ITGBL1: variants seen among roughly 807,000 people sequenced by gnomAD.
The protein encoded by ITGBL1 is integrin beta-like protein 1.
A neutral mutation model predicts 68.5 loss-of-function variants in ITGBL1; 51 were observed. The observed-to-expected ratio is 0.74, with a 90% CI of 0.59 to 0.94. ITGBL1 has a LOEUF of 0.94. Among genes scored for constraint, ITGBL1 ranks in the 40% least tolerant of loss-of-function variants. The pLI is 0.00. For synonymous variants in ITGBL1, 209 were observed against 227.3 expected, an observed-to-expected ratio of 0.92 and a Z score of 0.72; for missense variants, 649 against 647.4, an observed-to-expected ratio of 1.00 and a Z score of -0.03.
At chr13:101,671,440 T>TTTG (rs1555365707) in intron 7 of ITGBL1, among the ~76,000 whole-genome samples, 1 of 93,810 alleles carries the variant, frequency 1.1e-5, no homozygotes, top group African/African-American at 4.7e-5. Context: ...TTTTTTTGTT[T>TTTG]TTTTTTGTTT....
intron 2 of ITGBL1, among the ~76,000 whole-genome samples, chr13:101,504,445 C>A (rs1408550946): frequency 6.6e-6 from 1 of 152,156 alleles, no homozygotes; most frequent in Non-Finnish European, 1.5e-5. Context: ...TGCATCATAA[C>A]CTTATGGCCA....
intron 9 of ITGBL1, among the ~76,000 whole-genome samples, chr13:101,708,369 C>CA (rs1226436434): frequency 2.0e-5 from 3 of 150,304 alleles, no homozygotes; most frequent in African/African-American, 7.3e-5. Flanking sequence ...CACAGACACA[C>CA]TTTTTTTTTT....
At position 101,583,301 on chromosome 13, in the gene ITGBL1, T is replaced by A. The variant is rs2050495095; in HGVS notation, c.813T>A (p.Cys271Ter). 1 of 1,613,118 alleles carries A rather than the reference T, an allele frequency of 6.2e-7. No individual in the cohort carries two copies. The highest frequency in any genetic ancestry group is 8.5e-7 in the Non-Finnish European group (1 of 1,179,666). The change falls in exon 6 of 11, where the codon TGT (cysteine) becomes TGA (stop). Residue 271 changes from cysteine (C) to a stop codon, truncating the protein, a stop_gained. Transcript: ENST00000376180. LOFTEE classifies it high-confidence loss of function. ...WGDIHGDTCECDERDCRAVYD... is the reference protein window; with the variant it reads ...WGDIHGDTCE ...ATATTCATGGGGACACCTGTGAATG[T>A]GATGAGAGGGACTGTAGAGCTGTCT...
At position 101,692,718 on chromosome 13, in the gene ITGBL1, T is replaced by G; in HGVS notation, c.1132+17T>G. On this transcript the variant is annotated intron_variant, in intron 8 of 10. Coordinates refer to ENST00000376180, the MANE Select transcript of ITGBL1 (RefSeq NM_004791.3). ...TCTGTGGAGGTAGTAACCTTTCTCA[T>G]AGCTGTATGCTACCTGCATGCAACT... 6.6e-7 allele frequency: 1 copy of G among 1,506,016 alleles called. No individual in the cohort carries two copies. Among genetic ancestry groups the G allele is most frequent in the African/African-American group, 1.4e-5 (1 of 72,876 alleles). 93.3% of individuals were successfully genotyped at this position (1,506,016 alleles called of 1,614,324 possible). A position where few individuals can be genotyped will look rare whatever the true frequency, so the allele number is the denominator to read the frequency against.
At chr13:101,711,949 A>C (rs1475838895) in intron 9 of ITGBL1, 1 of 152,250 alleles carries the variant, frequency 6.6e-6, no homozygotes, top group East Asian at 1.9e-4. Context: ...GGTCTTGGCC[A>C]GCTGAGTTGA....
chr13:101,515,113 A>C (rs1378262344), intron 2 of ITGBL1, among the ~76,000 whole-genome samples: 19 of 152,146 alleles, frequency 1.2e-4, no homozygotes. Flanking sequence ...AAATAAAGTT[A>C]TGAAATTATG....
At chr13:101,704,933 C>CT (rs2034221963) in intron 8 of ITGBL1, among the ~76,000 whole-genome samples, 2 of 152,228 alleles carry the variant, frequency 1.3e-5, no homozygotes, top group African/African-American at 4.8e-5. Flanking sequence ...TATTTATTTA[C>CT]TTTTTTCCTT....
chr13:101,512,499 G>T (rs2049131867), intron 2 of ITGBL1, among the ~76,000 whole-genome samples: 1 of 152,238 alleles, frequency 6.6e-6, no homozygotes, highest in South Asian at 2.1e-4. Flanking sequence ...TGAACAAATG[G>T]TTAGGTAACC....
At chr13:101,471,730 C>A (rs903146079) in intron 2 of ITGBL1, among the ~76,000 whole-genome samples, 1 of 151,844 alleles carries the variant, frequency 6.6e-6, no homozygotes, top group African/African-American at 2.4e-5. Context: ...GAAAGTGAGA[C>A]GAAATACTTG....
intron 7 of ITGBL1, among the ~76,000 whole-genome samples, chr13:101,601,399 T>C (rs1177208166): frequency 6.6e-6 from 1 of 152,190 alleles, no homozygotes; most frequent in Non-Finnish European, 1.5e-5. Flanking sequence ...CCTGGATTCA[T>C]TGATTTTTTG....
intron 2 of ITGBL1, among the ~76,000 whole-genome samples, chr13:101,544,795 A>G (rs1029161597): frequency 3.3e-5 from 5 of 152,072 alleles, no homozygotes; most frequent in African/African-American, 7.2e-5. Flanking sequence ...TTGCAGTTTG[A>G]TCTCAGACTG....
intron 7 of ITGBL1, among the ~76,000 whole-genome samples, chr13:101,656,073 C>A (rs773101794): frequency 6.6e-6 from 1 of 152,026 alleles, no homozygotes; most frequent in Non-Finnish European, 1.5e-5. Flanking sequence ...GGGGCTTCCT[C>A]GCTAAAGGTA....
At chr13:101,705,489 A>G (rs568429875) in intron 8 of ITGBL1, among the ~76,000 whole-genome samples, 2 of 152,094 alleles carry the variant, frequency 1.3e-5, no homozygotes, top group South Asian at 4.2e-4. Flanking sequence ...TCTCATGCCA[A>G]AACTTGGGCT....
chr13:101,701,358 C>A (rs554068757), intron 8 of ITGBL1, among the ~76,000 whole-genome samples: 2 of 152,004 alleles, frequency 1.3e-5, no homozygotes, highest in Non-Finnish European at 1.5e-5. Flanking sequence ...CACAGTAAAA[C>A]CCTGTCTCTA....
chr13:101,500,510 G>T (rs1225771368), intron 2 of ITGBL1, among the ~76,000 whole-genome samples: 2 of 152,164 alleles, frequency 1.3e-5, no homozygotes, highest in Non-Finnish European at 2.9e-5. Flanking sequence ...ATTCTTCAGA[G>T]ATTATTATTC....
At position 101,605,995 on chromosome 13, in the gene ITGBL1, T is replaced by C. The variant is rs1444548792; in HGVS notation, c.1015+7696T>C. Among the ~76,000 whole-genome samples, 11 of 146,884 alleles carry C rather than the reference T, an allele frequency of 7.5e-5. No individual in the cohort carries two copies. The Admixed American group carries it at 7.6e-4, about 10-fold the overall frequency. On this transcript the variant is annotated intron_variant, in intron 7 of 10. Coordinates refer to ENST00000376180, the MANE Select transcript of ITGBL1 (RefSeq NM_004791.3). ...ATGCATATATGTGTATATATATGTG[T>C]ATATATACACATATATATGTATATA...
intron 7 of ITGBL1, among the ~76,000 whole-genome samples, chr13:101,671,738 A>G (rs1029755405): frequency 6.6e-6 from 1 of 152,128 alleles, no homozygotes; most frequent in Non-Finnish European, 1.5e-5. Context: ...GCGCCCGGCC[A>G]AAAGTATACC....
At chr13:101,622,041 G>C (rs545525680) in intron 7 of ITGBL1, among the ~76,000 whole-genome samples, 1 of 152,106 alleles carries the variant, frequency 6.6e-6, no homozygotes, top group Admixed American at 6.6e-5. Flanking sequence ...AGCAGGCAGG[G>C]GTTTCTATTT....
chr13:101,583,392 G>A lies in ITGBL1; in HGVS notation c.868+36G>A, dbSNP rs775081540. ...TTCCAATTCCTGTTTTTCTGGAGGG[G>A]GAGGTGGGGCTTGTTAATGGGTAAA... On this transcript the variant is annotated intron_variant, in intron 6 of 10. Transcript: ENST00000376180. 4.2e-6 allele frequency: 6 copies of A among 1,431,874 alleles called. No homozygotes were observed. In the East Asian group the frequency reaches 1.3e-4, roughly 31 times the overall value. The allele number at this position is 1,431,874 out of a possible 1,614,324, so 88.7% of individuals were successfully genotyped here.
Sources: allele counts gnomAD v4.1 joint callset (sites outside exome capture counted in the v4.1 genomes callset), GRCh38; gene constraint gnomAD v4.1.1; transcripts MANE v1.5; gene names NCBI Gene and HGNC (gene_info 2026-07-23, HGNC 2026-07-21).